Variants in BRD4 observed in about 807,000 individuals in gnomAD.
The protein encoded by BRD4 is bromodomain containing 4, also known as bromodomain-containing protein 4.
BRD4 carries 16 observed loss-of-function variants against 142.1 expected under a neutral mutation model. The ratio of observed to expected loss-of-function variants is 0.11; its 90% confidence interval spans 0.08 to 0.17. The LOEUF is 0.17. Among genes scored for constraint, BRD4 ranks in the 10% least tolerant of loss-of-function variants. BRD4 has a pLI of 1.00. For synonymous variants in BRD4, 833 were observed against 707.5 expected (o/e 1.18, Z -2.82); for missense variants, 1,424 against 1,810.9 (o/e 0.79, Z 3.88).
At chr19:15,287,060 C>T (rs1280598106) in intron 1 of BRD4, among the ~76,000 whole-genome samples, 1 of 152,196 alleles carries the variant, frequency 6.6e-6, no homozygotes, top group African/African-American at 2.4e-5. Flanking sequence ...TGCTTTAAAT[C>T]AACCTGCTCA....
intron 11 of BRD4, chr19:15,253,939 C>T (rs908550693): frequency 2.9e-5 from 21 of 736,668 alleles, no homozygotes; most frequent in Non-Finnish European, 3.3e-5. Context: ...GAGAGCATAA[C>T]GGCCAGGCCG....
At chr19:15,298,378 C>T (rs2047840487) in intron 1 of BRD4, among the ~76,000 whole-genome samples, 1 of 152,088 alleles carries the variant, frequency 6.6e-6, no homozygotes, top group South Asian at 2.1e-4. Flanking sequence ...TGGCTCACGC[C>T]TGTAATCCCA....
chr19:15,276,825 C>T (rs1488137239), intron 1 of BRD4, among the ~76,000 whole-genome samples: 1 of 152,112 alleles, frequency 6.6e-6, no homozygotes, highest in African/African-American at 2.4e-5. Context: ...GGCATTCTCC[C>T]GAGTGATTAG....
chr19:15,255,403 G>A lies in BRD4; in HGVS notation c.1941C>T (p.Ser647=). The part of the protein sequence containing the change: ...IQSREPSLKN[S]NPDEIEIDFE... Reference sequence around the variant, plus strand: ...AGTCGATTTCAATCTCGTCGGGGTTGGAATTCTTCAGGGAGGGCTCCCGTG... The same window carrying A: ...AGTCGATTTCAATCTCGTCGGGGTTAGAATTCTTCAGGGAGGGCTCCCGTG... Residue 647 remains serine (S), a synonymous_variant, in exon 10 of 20, where the codon TCC becomes TCT. Transcript: ENST00000679869. 6.2e-7 allele frequency: 1 copy of A among 1,614,122 alleles called. No homozygotes were observed. Among genetic ancestry groups the A allele is most frequent in the Non-Finnish European group, 8.5e-7 (1 of 1,180,018 alleles).
intron 1 of BRD4, chr19:15,275,559 T>A (rs1447248374): frequency 6.6e-6 from 1 of 152,220 alleles, no homozygotes; most frequent in East Asian, 1.9e-4. Context: ...ACAGTGGCCA[T>A]CCTTAACACA....
chr19:15,278,122 A>T (rs995097652), intron 1 of BRD4, among the ~76,000 whole-genome samples: 6 of 136,362 alleles, frequency 4.4e-5, no homozygotes, highest in East Asian at 2.0e-4. Flanking sequence ...AAAAAAAAAA[A>T]AAAAAAAAAA....
At chr19:15,305,190 G>A (rs1568405530) in intron 1 of BRD4, among the ~76,000 whole-genome samples, 1 of 151,904 alleles carries the variant, frequency 6.6e-6, no homozygotes, top group African/African-American at 2.4e-5. Flanking sequence ...TAGCCAGGCA[G>A]GAGCCACCAC....
At chr19:15,317,540 CAAA>C (rs2048027300) in intron 1 of BRD4, among the ~76,000 whole-genome samples, 1 of 151,744 alleles carries the variant, frequency 6.6e-6, no homozygotes, top group Non-Finnish European at 1.5e-5. Context: ...CTATTTGCTA[CAAA>C]CCCTGAACTT....
At chr19:15,262,038 T>C (rs993157122) in intron 7 of BRD4, among the ~76,000 whole-genome samples, 2 of 152,194 alleles carry the variant, frequency 1.3e-5, no homozygotes, top group African/African-American at 2.4e-5. Flanking sequence ...TTTGAGCACA[T>C]GTCCTCTGAA....
At chr19:15,289,212 C>G (rs1269050759) in intron 1 of BRD4, among the ~76,000 whole-genome samples, 2 of 152,198 alleles carry the variant, frequency 1.3e-5, no homozygotes, top group Non-Finnish European at 2.9e-5. Context: ...TCTCCCACGA[C>G]CTTTCCAAAT....
At position 15,239,075 on chromosome 19, in the gene BRD4, G is replaced by A. The variant is rs759358078; in HGVS notation, c.3766C>T (p.Arg1256Trp). 4.4e-6 allele frequency: 7 copies of A among 1,596,972 alleles called. No individual in the cohort carries two copies. Among genetic ancestry groups the A allele is most frequent in the South Asian group, 2.2e-5 (2 of 90,192 alleles). Residue 1256 changes from arginine (R) to tryptophan (W), a missense_variant, in exon 18 of 20, where the codon CGG (arginine) becomes TGG (tryptophan). Coordinates refer to ENST00000679869, the MANE Select transcript of BRD4 (RefSeq NM_001379291.1). The surrounding 1 kb of genome is among the most constrained non-coding windows in gnomAD (Gnocchi z 7.4). ...CCCGCCCACCTCATGCGCTCCTGCC[G>A]CAGCCGCTCCTTCTCCTTCTCAGCG... ...EHAEKEKERL[R>W]QERMRSREDE...
intron 1 of BRD4, among the ~76,000 whole-genome samples, chr19:15,309,876 C>T (rs1232486162): frequency 6.6e-6 from 1 of 152,118 alleles, no homozygotes; most frequent in Non-Finnish European, 1.5e-5. Flanking sequence ...GCAATCAAGT[C>T]ATCCAGGCAC....
Position 15,244,223 on chromosome 19 carries a change from C to T in BRD4, c.2581+8G>A, listed in dbSNP as rs760778686. 5.2e-6 allele frequency: 8 copies of T among 1,551,906 alleles called. No individual in the cohort carries two copies. The highest frequency in any genetic ancestry group is 4.4e-4 in the Middle Eastern group (2 of 4,512). ...TCTCAACCCACACTGGGGCAGGCCA[C>T]GGCTCACCTGGAGGAGAGACCACTG... On this transcript the variant is annotated splice_region_variant and intron_variant, in intron 13 of 19. Coordinates refer to ENST00000679869, the MANE Select transcript of BRD4 (RefSeq NM_001379291.1).
intron 1 of BRD4, among the ~76,000 whole-genome samples, chr19:15,275,004 G>T (rs1440681817): frequency 2.0e-5 from 3 of 152,002 alleles, no homozygotes; most frequent in African/African-American, 7.3e-5. Context: ...GATTACAGGC[G>T]TGTGCCACCA....
chr19:15,327,594 C>T (rs1349214839), intron 1 of BRD4, among the ~76,000 whole-genome samples: 1 of 152,046 alleles, frequency 6.6e-6, no homozygotes, highest in East Asian at 1.9e-4. Flanking sequence ...TTTAACAGTA[C>T]TATTCACAAT....
At chr19:15,245,074 GGTCA>G (rs1599435647) in intron 11 of BRD4, 2 of 478,696 alleles carry the variant, frequency 4.2e-6, no homozygotes, top group East Asian at 4.0e-5. Flanking sequence ...ACTACTCAAG[GGTCA>G]GTCACTCACT....
rs766142522 is a variant in BRD4, at chr19:15,256,076, TTGC to T, written c.1736_1738del (p.Ser579del). 93 of 1,611,660 alleles carry T rather than the reference TTGC, an allele frequency of 5.8e-5. No homozygotes were observed. The highest frequency in any genetic ancestry group is 1.8e-4 in the Admixed American group (11 of 59,888). ...AGGGGACACAGACCTCACATTGCTG[TTGC>T]TGCTATTATTTTTCTTCGTCTTTTT... On this transcript the variant is annotated inframe_deletion, in exon 9 of 20. Transcript: ENST00000679869.
chr19:15,239,759 G>T lies in BRD4; in HGVS notation c.3345C>A (p.Ile1115=). ...QPLVVVKEEK[I]HSPIIRSEPF... ...GCTCGCTGCGGATGATGGGTGAGTG[G>T]ATCTTCTCCTCCTTCACCACCACGA... Residue 1115 remains isoleucine (I), a synonymous_variant, in exon 16 of 20, where the codon ATC becomes ATA. Coordinates refer to ENST00000679869, the MANE Select transcript of BRD4 (RefSeq NM_001379291.1). This position sits in a 1 kb window ranked among gnomAD's most constrained non-coding sequence, Gnocchi z 7.4. 6.2e-7 allele frequency: 1 copy of T among 1,610,616 alleles called. No homozygotes were observed. Among genetic ancestry groups the T allele is most frequent in the Non-Finnish European group, 8.5e-7 (1 of 1,179,714 alleles).
intron 7 of BRD4, among the ~76,000 whole-genome samples, chr19:15,262,828 T>G (rs1599461272): frequency 1.3e-5 from 2 of 152,332 alleles, no homozygotes; most frequent in East Asian, 3.9e-4. Context: ...AGAAAGTCAT[T>G]TTTTAAACTT....
Sources: allele counts gnomAD v4.1 joint callset (sites outside exome capture counted in the v4.1 genomes callset), GRCh38; gene constraint gnomAD v4.1.1; non-coding constraint Gnocchi (gnomAD v3.1); transcripts MANE v1.5; gene names NCBI Gene and HGNC (gene_info 2026-07-23, HGNC 2026-07-21).